Variants in ABLIM2 observed in about 807,000 individuals in gnomAD.
ABLIM2 encodes actin binding LIM protein family member 2.
In ABLIM2, 53 loss-of-function variants were observed where a neutral mutation model predicts 97.7. That is an observed-to-expected ratio of 0.54 (90% CI 0.44 to 0.68). ABLIM2 has a LOEUF of 0.68. Among genes scored for constraint, ABLIM2 ranks in the 30% least tolerant of loss-of-function variants. The probability of loss-of-function intolerance (pLI) is 0.00; values close to 1 mark genes in which losing one functional copy is unlikely to be tolerated. For missense variants in ABLIM2, 835 were observed against 867.2 expected (o/e 0.96, Z 0.47); for synonymous variants, 361 against 345.8 (o/e 1.04, Z -0.49).
chr4:8,049,832 AT>A (rs1426823057), intron 8 of ABLIM2, among the ~76,000 whole-genome samples: 1 of 152,168 alleles, frequency 6.6e-6, no homozygotes, highest in Non-Finnish European at 1.5e-5. Context: ...GTCTCAAGCG[AT>A]TCTCGTGCCT....
intron 16 of ABLIM2, chr4:8,007,707 C>A: frequency 9.5e-7 from 1 of 1,050,786 alleles, no homozygotes; most frequent in Non-Finnish European, 1.1e-6. Flanking sequence ...ATGCCCATGT[C>A]TGCTCTGGAG....
In ABLIM2 at chr4:7,999,082, T is replaced by G. The variant is rs1755359556; in HGVS notation, c.1619-6155A>C. Among the ~76,000 whole-genome samples, 1 of 152,158 alleles carries G rather than the reference T, an allele frequency of 6.6e-6. No homozygotes were observed. The highest frequency in any genetic ancestry group is 1.5e-5 in the Non-Finnish European group (1 of 68,028). On this transcript the variant is annotated intron_variant, in intron 16 of 20. Transcript: ENST00000447017. This position sits in a 1 kb window ranked among gnomAD's most constrained non-coding sequence, Gnocchi z 4.4. ...TCACTGGTTTATTTATTTTATTTTT[T>G]GAGACGGAGTTTTGTTCTTGTTCCC...
At position 8,149,292 on chromosome 4, in the gene ABLIM2, T is replaced by C. The variant is rs978578146; in HGVS notation, c.10+9388A>G. The stretch of plus-strand genomic sequence containing the variant: ...TGGCAAAATCCTTCACATAGTCGCA[T>C]ATGAACAGTCATTTTGCCGCATGAG... On this transcript the variant is annotated intron_variant, in intron 1 of 20. Coordinates refer to ENST00000447017, the MANE Select transcript of ABLIM2 (RefSeq NM_001130083.2). This position sits in a 1 kb window ranked among gnomAD's most constrained non-coding sequence, Gnocchi z 6.4. Among the ~76,000 whole-genome samples, 2 of 152,134 alleles carry C rather than the reference T, an allele frequency of 1.3e-5. No homozygotes were observed. The highest frequency in any genetic ancestry group is 2.1e-4 in the South Asian group (1 of 4,834).
At position 8,080,642 on chromosome 4, in the gene ABLIM2, C is replaced by T. The variant is rs111278062; in HGVS notation, c.581+34G>A. On this transcript the variant is annotated intron_variant, in intron 5 of 20. Transcript: ENST00000447017. Reference sequence around the variant, plus strand: ...CCCCCACAGAGTAGGGAAGCCTGAGCGGAGGCTCTCACTAGAGCCCTCCCC... The same window carrying T: ...CCCCCACAGAGTAGGGAAGCCTGAGTGGAGGCTCTCACTAGAGCCCTCCCC... 6.9e-5 allele frequency: 108 copies of T among 1,558,232 alleles called. 1 individual carries two copies. The highest frequency in any genetic ancestry group is 4.1e-4 in the African/African-American group (30 of 73,720).
chr4:8,033,482 G>A lies in ABLIM2; in HGVS notation c.1047+2667C>T, dbSNP rs902457831. ...ACCCTCAGGCTGCTCCCGGCCATCG[G>A]CATAGAGGAAGCTCTGTATGGACAC... On this transcript the variant is annotated intron_variant, in intron 10 of 20. Transcript: ENST00000447017. This position sits in a 1 kb window ranked among gnomAD's most constrained non-coding sequence, Gnocchi z 4.5. Among the ~76,000 whole-genome samples the A allele has an allele frequency of 1.3e-5, 2 of 152,222 alleles. No individual in the cohort carries two copies. The highest frequency in any genetic ancestry group is 4.8e-5 in the African/African-American group (2 of 41,460).
Position 8,148,486 on chromosome 4 carries a change from T to C in ABLIM2, c.10+10194A>G, listed in dbSNP as rs1467197367. On this transcript the variant is annotated intron_variant, in intron 1 of 20. Coordinates refer to ENST00000447017, the MANE Select transcript of ABLIM2 (RefSeq NM_001130083.2). This position sits in a 1 kb window ranked among gnomAD's most constrained non-coding sequence, Gnocchi z 6.7. The stretch of plus-strand genomic sequence containing the variant: ...GCTGGCACGGTGCTTCTCAGCCGAA[T>C]CACCTCGGGAGAGTTACCTAATTCC... Among the ~76,000 whole-genome samples, 1 of 152,162 alleles carries C rather than the reference T, an allele frequency of 6.6e-6. No homozygotes were observed. The highest frequency in any genetic ancestry group is 2.4e-5 in the African/African-American group (1 of 41,440).
intron 2 of ABLIM2, among the ~76,000 whole-genome samples, chr4:8,098,983 C>T (rs1467842522): frequency 3.3e-5 from 5 of 152,194 alleles, no homozygotes; most frequent in Non-Finnish European, 7.3e-5. Context: ...GTATAAGATG[C>T]CTGCACTCGC....
chr4:8,154,502 A>C (rs6840555), intron 1 of ABLIM2, among the ~76,000 whole-genome samples: 4,021 of 113,718 alleles, frequency 0.035, 137 homozygotes, highest in African/African-American at 0.1. Context: ...GGATGGTCTC[A>C]ATCTCCTGAC....
rs1373208854 is a variant in ABLIM2, at chr4:8,032,173, T to TA, written c.1048-2398dup. Among the ~76,000 whole-genome samples, 9 of 149,708 alleles carry TA rather than the reference T, an allele frequency of 6.0e-5. No homozygotes were observed. In the East Asian group the frequency reaches 1.8e-3, roughly 30 times the overall value. On this transcript the variant is annotated intron_variant, in intron 10 of 20. Transcript: ENST00000447017. This position sits in a 1 kb window ranked among gnomAD's most constrained non-coding sequence, Gnocchi z 4.3. The stretch of plus-strand genomic sequence containing the variant: ...GACTGCAGTCTGATTGGCAGCTCTC[T>TA]ATGTCACTGATTAATTTTGAGAAAC...
chr4:8,135,117 A>C (rs1850000768), intron 1 of ABLIM2, among the ~76,000 whole-genome samples: 1 of 152,226 alleles, frequency 6.6e-6, no homozygotes, highest in South Asian at 2.1e-4. Flanking sequence ...GGACTTTTCA[A>C]GTGTGTCCGT....
intron 13 of ABLIM2, 113 bp downstream of exon 13, chr4:8,020,088 TG>T: frequency 1.1e-6 from 1 of 914,490 alleles, no homozygotes; most frequent in Non-Finnish European, 1.7e-6. Flanking sequence ...TGGAGGAGCC[TG>T]GAGTGTCGTC....
At chr4:8,059,184 T>C (rs886973521) in intron 7 of ABLIM2, among the ~76,000 whole-genome samples, 1 of 152,010 alleles carries the variant, frequency 6.6e-6, no homozygotes, top group Non-Finnish European at 1.5e-5. Context: ...AGCATAACTC[T>C]AGGTGCCTGT....
At chr4:8,151,499 C>A (rs147359958) in intron 1 of ABLIM2, among the ~76,000 whole-genome samples, 2 of 152,192 alleles carry the variant, frequency 1.3e-5, no homozygotes, top group African/African-American at 2.4e-5. Flanking sequence ...CCTCCCTCCA[C>A]GCCAGAGACC....
In ABLIM2 at chr4:8,123,883, G is replaced by A. The variant is rs563306301; in HGVS notation, c.11-17246C>T. On this transcript the variant is annotated intron_variant, in intron 1 of 20. Coordinates refer to ENST00000447017, the MANE Select transcript of ABLIM2 (RefSeq NM_001130083.2). This position sits in a 1 kb window ranked among gnomAD's most constrained non-coding sequence, Gnocchi z 6.2. ...TGCCTGGGATCCTTGCTAACCTCTG[G>A]AGACACGGTTCCTTTGGGTTCAATG... Among the ~76,000 whole-genome samples the A allele has an allele frequency of 1.6e-3, 241 of 152,304 alleles. No homozygotes were observed. The highest frequency in any genetic ancestry group is 5.0e-3 in the African/African-American group (206 of 41,564).
intron 2 of ABLIM2, among the ~76,000 whole-genome samples, chr4:8,100,516 G>T (rs903935556): frequency 2.6e-5 from 4 of 152,118 alleles, no homozygotes; most frequent in African/African-American, 7.2e-5. Flanking sequence ...GGAGGCTGAG[G>T]GGGGCGGATC....
At chr4:8,098,840 C>A (rs756609208) in intron 2 of ABLIM2, among the ~76,000 whole-genome samples, 1 of 152,172 alleles carries the variant, frequency 6.6e-6, no homozygotes, top group Non-Finnish European at 1.5e-5. Flanking sequence ...GTGTCGAGGC[C>A]CTGGCTGCTG....
In ABLIM2 at chr4:8,032,408, G is replaced by A. The variant is rs1455649811; in HGVS notation, c.1048-2632C>T. On this transcript the variant is annotated intron_variant, in intron 10 of 20. Transcript: ENST00000447017. The surrounding 1 kb of genome is among the most constrained non-coding windows in gnomAD (Gnocchi z 4.3). ...CACGATCTGCTCAGGGTAGACCCGC[G>A]TCCCAGGCGGCCACATCCGCAGGGC... 4.6e-5 allele frequency among the ~76,000 whole-genome samples: 7 copies of A among 152,118 alleles called. No individual in the cohort carries two copies. Among genetic ancestry groups the A allele is most frequent in the South Asian group, 2.1e-4 (1 of 4,830 alleles).
intron 9 of ABLIM2, among the ~76,000 whole-genome samples, chr4:8,040,654 T>C (rs1579488130): frequency 6.7e-6 from 1 of 150,186 alleles, no homozygotes; most frequent in Admixed American, 6.6e-5. Flanking sequence ...GGCAGAACCC[T>C]GGGATAAGGA....
chr4:8,006,594 C>T (rs1761454699), intron 16 of ABLIM2, among the ~76,000 whole-genome samples: 2 of 152,226 alleles, frequency 1.3e-5, no homozygotes, highest in South Asian at 4.1e-4. Flanking sequence ...CTCCTCTAAA[C>T]ACAACGGCAT....
Sources: allele counts gnomAD v4.1 joint callset (sites outside exome capture counted in the v4.1 genomes callset), GRCh38; gene constraint gnomAD v4.1.1; non-coding constraint Gnocchi (gnomAD v3.1); transcripts MANE v1.5; gene names NCBI Gene and HGNC (gene_info 2026-07-23, HGNC 2026-07-21).